AFM: variants seen among roughly 807,000 people sequenced by gnomAD.
The protein encoded by AFM is alpha-Alb.
A neutral mutation model predicts 68.7 loss-of-function variants in AFM; 82 were observed. That is an observed-to-expected ratio of 1.19 (90% confidence interval 1.00 to 1.43). AFM has a LOEUF of 1.43. Ranked by LOEUF, AFM falls within the 40% of genes most tolerant of loss-of-function variation. AFM has a pLI of 0.00. For missense variants in AFM, 772 were observed against 701.8 expected, an observed-to-expected ratio of 1.10 and a Z score of -1.13; for synonymous variants, 250 against 234.2, an observed-to-expected ratio of 1.07 and a Z score of -0.61.
intron 3 of AFM, among the ~76,000 whole-genome samples, chr4:73,485,413 C>A (rs1720863144): frequency 6.6e-6 from 1 of 151,980 alleles, no homozygotes; most frequent in Admixed American, 6.5e-5. Context: ...GGTAAAAATG[C>A]TTTGATTTGG....
intron 3 of AFM, among the ~76,000 whole-genome samples, chr4:73,485,179 A>G (rs1720856794): frequency 2.0e-5 from 3 of 152,116 alleles, no homozygotes; most frequent in East Asian, 1.9e-4. Flanking sequence ...GCCTCCTCCA[A>G]GTAGAATCAC....
At chr4:73,501,994 C>T in intron 13 of AFM, 75 bp downstream of exon 13, 1 of 1,504,304 alleles carries the variant, frequency 6.6e-7, no homozygotes, top group Non-Finnish European at 9.0e-7. Context: ...CCCTGCAGGA[C>T]ACTGCTTCCT....
chr4:73,499,145 C>A lies in AFM; in HGVS notation c.1321C>A (p.Gln441Lys), dbSNP rs781269586. ...CATCAGGCTCACGAAGATAGCTCCC[C>A]AACTCTCCACTGAAGAACTGGTGTC... is the stretch of plus-strand genomic sequence containing the variant. The part of the protein sequence containing the change: ...YLIRLTKIAP[Q>K]LSTEELVSLG... Residue 441 changes from glutamine (Q) to lysine (K), a missense_variant, in exon 11 of 15, where the codon CAA (glutamine) becomes AAA (lysine). Physicochemically the swap from Gln to Lys is moderately conservative, Grantham distance 53. Coordinates refer to ENST00000226355, the MANE Select transcript of AFM (RefSeq NM_001133.2). 6.2e-7 allele frequency: 1 copy of A among 1,613,320 alleles called. No homozygotes were observed. Among genetic ancestry groups the A allele is most frequent in the Non-Finnish European group, 8.5e-7 (1 of 1,179,552 alleles).
intron 1 of AFM, among the ~76,000 whole-genome samples, chr4:73,482,309 C>G (rs1720737935): frequency 6.6e-6 from 1 of 152,332 alleles, no homozygotes; most frequent in Admixed American, 6.5e-5. Flanking sequence ...GTTTGAACAT[C>G]CCTCCTGAGC....
intron 13 of AFM, among the ~76,000 whole-genome samples, 163 bp from the exon 14 acceptor site, chr4:73,502,887 G>A (rs545607519): frequency 1.3e-5 from 2 of 152,136 alleles, no homozygotes; most frequent in East Asian, 1.9e-4. Context: ...AGAGCCTTTC[G>A]GTGTCTATTT....
intron 6 of AFM, among the ~76,000 whole-genome samples, 181 bp from the exon 7 acceptor site, chr4:73,488,449 G>A (rs534667381): frequency 6.6e-6 from 1 of 152,132 alleles, no homozygotes; most frequent in South Asian, 2.1e-4. Flanking sequence ...ATCACCCTAA[G>A]ATTTTCAAAG....
intron 10 of AFM, among the ~76,000 whole-genome samples, chr4:73,498,560 G>A (rs1045231969): frequency 6.6e-6 from 1 of 152,156 alleles, no homozygotes; most frequent in African/African-American, 2.4e-5. Context: ...GATTACAGGT[G>A]TGAGCCACTG....
intron 3 of AFM, 108 bp downstream of exon 3, chr4:73,484,498 C>A (rs1397629684): frequency 1.6e-4 from 132 of 819,976 alleles, no homozygotes; most frequent in Admixed American, 1.6e-4. Context: ...TTCTTTCTTT[C>A]TTTCTTTCAT....
intron 6 of AFM, among the ~76,000 whole-genome samples, chr4:73,488,180 GC>G (rs1720963978): frequency 6.6e-6 from 1 of 152,134 alleles, no homozygotes; most frequent in African/African-American, 2.4e-5. Context: ...TATCTCTAGT[GC>G]TTGCAAAGAT....
At position 73,487,107 on chromosome 4, in the gene AFM, T is replaced by C. The variant is rs370621154; in HGVS notation, c.615+8T>C. On this transcript the variant is annotated splice_region_variant and intron_variant, in intron 5 of 14. Transcript: ENST00000226355. The stretch of plus-strand genomic sequence containing the variant: ...AACTGCCTTCAAACAAGGGTGGGTA[T>C]AGCATTTGTTCCATGAAGAGGATAA... 43 of 1,613,698 alleles carry C rather than the reference T, an allele frequency of 2.7e-5. No homozygotes were observed. In the African/African-American group the frequency reaches 5.5e-4, roughly 21 times the overall value.
At chr4:73,486,900 G>C (rs1249116271) in intron 4 of AFM, 67 bp from the exon 5 acceptor site, 4 of 1,436,074 alleles carry the variant, frequency 2.8e-6, no homozygotes, top group South Asian at 1.4e-5. Context: ...CCCTTCCCTT[G>C]TCTACATTCA....
intron 8 of AFM, among the ~76,000 whole-genome samples, chr4:73,494,849 T>G (rs1264820053): frequency 6.6e-6 from 1 of 152,176 alleles, no homozygotes; most frequent in Non-Finnish European, 1.5e-5. Context: ...AGTGACAGGA[T>G]GTAGTAATGG....
chr4:73,483,134 G>A (rs1350849570), intron 1 of AFM, among the ~76,000 whole-genome samples: 1 of 151,986 alleles, frequency 6.6e-6, no homozygotes, highest in Non-Finnish European at 1.5e-5. Flanking sequence ...AGACAGACAG[G>A]GTTTTTCATT....
At chr4:73,492,205 A>ATT (rs200237418) in intron 8 of AFM, 119 bp downstream of exon 8, 23 of 880,328 alleles carry the variant, frequency 2.6e-5, no homozygotes, top group Non-Finnish European at 3.3e-5. Context: ...GTATCATATA[A>ATT]TTTTTTTTTA....
chr4:73,494,286 T>C (rs1721187920), intron 8 of AFM, among the ~76,000 whole-genome samples: 1 of 151,422 alleles, frequency 6.6e-6, no homozygotes, highest in South Asian at 2.1e-4. Flanking sequence ...CCTGAAAAAA[T>C]AGGGGTGGGG....
At chr4:73,493,271 A>G (rs1179966114) in intron 8 of AFM, among the ~76,000 whole-genome samples, 1 of 152,194 alleles carries the variant, frequency 6.6e-6, no homozygotes, top group Non-Finnish European at 1.5e-5. Context: ...ATGAGGAAGG[A>G]CAAATTCACT....
chr4:73,488,295 T>C (rs1482965721), intron 6 of AFM, among the ~76,000 whole-genome samples: 1 of 152,208 alleles, frequency 6.6e-6, no homozygotes, highest in Non-Finnish European at 1.5e-5. Flanking sequence ...GAAAGAGTTC[T>C]ATCATGAATT....
intron 7 of AFM, 111 bp downstream of exon 7, chr4:73,488,870 G>T: frequency 1.9e-6 from 2 of 1,053,088 alleles, no homozygotes; most frequent in Admixed American, 2.7e-5. Flanking sequence ...ATCAGAATGT[G>T]ATTTAACTTT....
chr4:73,483,920 C>A (rs771862126), intron 1 of AFM, 21 bp from the exon 2 acceptor site: 3 of 1,505,736 alleles, frequency 2.0e-6, no homozygotes, highest in Non-Finnish European at 2.7e-6. Context: ...ATGTAATAAC[C>A]TAAATATTCT....
Sources: gnomAD v4.1 joint callset for allele counts (sites outside exome capture counted in the v4.1 genomes callset) on GRCh38, gnomAD v4.1.1 for gene constraint, MANE v1.5 for transcripts, NCBI Gene and HGNC (gene_info 2026-07-23, HGNC 2026-07-21) for gene names.